EXOC4: variants seen among roughly 807,000 people sequenced by gnomAD.
EXOC4 encodes SEC8-like 1.
Under a neutral mutation model 107.2 loss-of-function variants are expected in EXOC4, and 71 were observed. That is an observed-to-expected ratio of 0.66 (90% CI 0.55 to 0.81). The LOEUF is 0.81. EXOC4 is among the 30% of genes least tolerant of loss of function. The probability of loss-of-function intolerance (pLI) is 0.00; values close to 1 mark genes in which losing one functional copy is unlikely to be tolerated. For synonymous variants in EXOC4, 456 were observed against 441.2 expected (o/e 1.03, Z -0.42); for missense variants, 1,108 against 1,189.6 (o/e 0.93, Z 1.01).
intron 10 of EXOC4, among the ~76,000 whole-genome samples, chr7:133,666,704 T>G (rs924369365): frequency 2.0e-5 from 3 of 152,194 alleles, no homozygotes; most frequent in African/African-American, 2.4e-5. Context: ...CAGTGCTTAA[T>G]GTATTCCAGA....
the EXOC4 span, among the ~76,000 whole-genome samples, chr7:134,082,338 G>A: frequency 1.3e-5 from 2 of 152,178 alleles, no homozygotes; most frequent in Non-Finnish European, 2.9e-5. Flanking sequence ...AAACTGTCAT[G>A]GCACTGATAG....
intron 1 of EXOC4, among the ~76,000 whole-genome samples, chr7:133,261,207 A>G (rs1795143378): frequency 6.8e-6 from 1 of 147,686 alleles, no homozygotes; most frequent in Non-Finnish European, 1.5e-5. Flanking sequence ...CATCTGTGTC[A>G]TTTCTGGGTT....
At chr7:133,322,656 C>G (rs1312690951) in intron 5 of EXOC4, among the ~76,000 whole-genome samples, 1 of 152,160 alleles carries the variant, frequency 6.6e-6, no homozygotes, top group Non-Finnish European at 1.5e-5. Context: ...TAGTGTGATG[C>G]CTCCAGCTTT....
At chr7:134,086,009 T>C in the EXOC4 span, among the ~76,000 whole-genome samples, 20 of 152,102 alleles carry the variant, frequency 1.3e-4, no homozygotes, top group African/African-American at 4.8e-4. Context: ...TACTGGAGCA[T>C]TGAAAGTGTG....
intron 17 of EXOC4, among the ~76,000 whole-genome samples, chr7:134,028,168 A>G (rs1435990339): frequency 6.6e-6 from 1 of 152,252 alleles, no homozygotes; most frequent in Non-Finnish European, 1.5e-5. Flanking sequence ...TAACCATAAT[A>G]TCCACCTTCT....
chr7:133,771,778 G>A (rs1359430264), intron 10 of EXOC4, among the ~76,000 whole-genome samples: 3 of 151,802 alleles, frequency 2.0e-5, no homozygotes, highest in Admixed American at 1.3e-4. Flanking sequence ...TCCATCACTT[G>A]TCTAAAATAT....
At chr7:133,778,150 G>A (rs543702960) in intron 10 of EXOC4, among the ~76,000 whole-genome samples, 2 of 152,264 alleles carry the variant, frequency 1.3e-5, no homozygotes, top group South Asian at 2.1e-4. Flanking sequence ...AAAGTATTAC[G>A]AGTTTTGACC....
chr7:133,774,235 CAG>C (rs1796301669), intron 10 of EXOC4, among the ~76,000 whole-genome samples: 5 of 152,066 alleles, frequency 3.3e-5, no homozygotes, highest in Admixed American at 3.3e-4. Context: ...CAGGCATGAG[CAG>C]AGAGTGTATG....
At chr7:133,685,905 A>G (rs908885782) in intron 10 of EXOC4, among the ~76,000 whole-genome samples, 2 of 152,062 alleles carry the variant, frequency 1.3e-5, no homozygotes, top group Non-Finnish European at 2.9e-5. Context: ...TCCAGTTTCT[A>G]TTATTGCTCA....
In EXOC4 at chr7:133,893,155, G is replaced by A. The variant is rs1259935395; in HGVS notation, c.1735-2444G>A. The stretch of plus-strand genomic sequence containing the variant: ...TTTAGGATAGTTAGCTCCTCTTGTT[G>A]AATTGATCCCTTTACCATTATGTAA... On this transcript the variant is annotated intron_variant, in intron 11 of 17. Coordinates refer to ENST00000253861, the MANE Select transcript of EXOC4 (RefSeq NM_021807.4). 2.5e-5 allele frequency among the ~76,000 whole-genome samples: 2 copies of A among 79,122 alleles called. 1 individual carries two copies. The highest frequency in any genetic ancestry group is 4.4e-5 in the Non-Finnish European group (2 of 45,936). 51.9% of individuals were successfully genotyped at this position (79,122 alleles called of 152,430 possible).
chr7:133,607,846 T>C (rs1283434691), intron 9 of EXOC4, among the ~76,000 whole-genome samples: 6 of 152,190 alleles, frequency 3.9e-5, no homozygotes, highest in Admixed American at 3.9e-4. Context: ...ACATACCCCT[T>C]AAGTATAAAA....
At chr7:133,568,131 C>T (rs1238392439) in intron 9 of EXOC4, among the ~76,000 whole-genome samples, 1 of 152,124 alleles carries the variant, frequency 6.6e-6, no homozygotes, top group Non-Finnish European at 1.5e-5. Flanking sequence ...TGAGATTGCA[C>T]GTTTTCATAT....
intron 10 of EXOC4, among the ~76,000 whole-genome samples, chr7:133,640,284 A>G (rs915001747): frequency 1.3e-5 from 2 of 152,134 alleles, no homozygotes; most frequent in African/African-American, 4.8e-5. Context: ...CTTCATATAA[A>G]TGGAATCATA....
At chr7:133,739,222 T>TTGTGTG (rs72444310) in intron 10 of EXOC4, among the ~76,000 whole-genome samples, 15,019 of 142,226 alleles carry the variant, frequency 0.11, 801 homozygotes, top group South Asian at 0.14. Flanking sequence ...GTAGAGGGGT[T>TTGTGTG]TGTGTGTGTG....
chr7:133,857,148 G>GTGTATA (rs1491525649), intron 11 of EXOC4, among the ~76,000 whole-genome samples: 1 of 20,708 alleles, frequency 4.8e-5, no homozygotes, highest in African/African-American at 2.3e-4. Context: ...ACACATACAC[G>GTGTATA]TATATATATA....
rs181880330 is a variant in EXOC4 at position 133,777,403 on chromosome 7, A to G, written c.1515-39922A>G. The stretch of plus-strand genomic sequence containing the variant: ...TCAGGAAACGTTGTTACTGAATTCT[A>G]TATCCAGGTCTGATTCAGACAATCT... On this transcript the variant is annotated intron_variant, in intron 10 of 17. Transcript: ENST00000253861. Among the ~76,000 whole-genome samples, 89 of 152,330 alleles carry G rather than the reference A, an allele frequency of 5.8e-4. 1 individual carries two copies. Among genetic ancestry groups the G allele is most frequent in the African/African-American group, 2.0e-3 (84 of 41,584 alleles).
At chr7:133,438,387 T>C (rs911443369) in intron 7 of EXOC4, among the ~76,000 whole-genome samples, 20 of 152,188 alleles carry the variant, frequency 1.3e-4, no homozygotes, top group African/African-American at 4.3e-4. Context: ...TGGTTTTTCC[T>C]TGCCATCTTG....
chr7:133,345,520 A>G (rs1311609714), intron 5 of EXOC4, among the ~76,000 whole-genome samples: 1 of 152,128 alleles, frequency 6.6e-6, no homozygotes, highest in African/African-American at 2.4e-5. Flanking sequence ...CCTCTTCTCC[A>G]CTGGCTTCTA....
At chr7:133,677,872 G>A (rs562148736) in intron 10 of EXOC4, among the ~76,000 whole-genome samples, 1 of 152,114 alleles carries the variant, frequency 6.6e-6, no homozygotes, top group South Asian at 2.1e-4. Flanking sequence ...AGATATATTT[G>A]AGAGACCTTA....
Sources: gnomAD v4.1 joint callset for allele counts (sites outside exome capture counted in the v4.1 genomes callset) on GRCh38, gnomAD v4.1.1 for gene constraint, MANE v1.5 for transcripts, NCBI Gene and HGNC (gene_info 2026-07-23, HGNC 2026-07-21) for gene names.